The following ARNT2 variants were observed in gnomAD, a reference collection of about 807,000 sequenced individuals.
ARNT2 encodes the protein ARNT protein 2.
A neutral mutation model predicts 91.7 loss-of-function variants in ARNT2; 36 were observed. That is an observed-to-expected ratio of 0.39 (90% CI 0.30 to 0.52). ARNT2 has a LOEUF of 0.52. Among genes scored for constraint, ARNT2 ranks in the 20% least tolerant of loss-of-function variants. The pLI is 0.72. For missense variants in ARNT2, 775 were observed against 939.3 expected (o/e 0.83, Z 2.29); for synonymous variants, 365 against 347.1 (o/e 1.05, Z -0.57).
At chr15:80,528,169 G>A (rs978386379) in intron 8 of ARNT2, among the ~76,000 whole-genome samples, 13 of 152,120 alleles carry the variant, frequency 8.5e-5, no homozygotes, top group Admixed American at 6.5e-4. Context: ...TGTGATGACT[G>A]GGATGAAGTA....
At chr15:80,422,535 C>T (rs1895873955) in intron 1 of ARNT2, among the ~76,000 whole-genome samples, 1 of 152,162 alleles carries the variant, frequency 6.6e-6, no homozygotes, top group Non-Finnish European at 1.5e-5. Context: ...TTTGAGACCT[C>T]ACTAAAGGAA....
chr15:80,417,336 T>C (rs1408555866), intron 1 of ARNT2, among the ~76,000 whole-genome samples: 1 of 45,884 alleles, frequency 2.2e-5, no homozygotes, highest in Non-Finnish European at 5.5e-5. Context: ...AGGAAATTAA[T>C]TTATGATTTA....
chr15:80,484,706 A>G (rs1293462210), intron 5 of ARNT2, among the ~76,000 whole-genome samples: 1 of 152,178 alleles, frequency 6.6e-6, no homozygotes, highest in African/African-American at 2.4e-5. Context: ...CAGATAAAGG[A>G]GTCAGAGTGG....
At chr15:80,467,396 A>T (rs773051114) in intron 3 of ARNT2, among the ~76,000 whole-genome samples, 5 of 152,216 alleles carry the variant, frequency 3.3e-5, no homozygotes, top group Admixed American at 1.3e-4. Flanking sequence ...TTGCCTGGTG[A>T]TACTGATGGG....
intron 2 of ARNT2, among the ~76,000 whole-genome samples, chr15:80,453,113 C>T (rs1896426127): frequency 6.6e-6 from 1 of 152,198 alleles, no homozygotes; most frequent in Non-Finnish European, 1.5e-5. Flanking sequence ...CTGTGCTTTC[C>T]TTCCCGGGTC....
intron 8 of ARNT2, among the ~76,000 whole-genome samples, chr15:80,545,108 C>A (rs1378386007): frequency 2.0e-5 from 3 of 152,222 alleles, no homozygotes; most frequent in African/African-American, 7.2e-5. Context: ...ATGTGGAATC[C>A]TATCTTCCTT....
intron 1 of ARNT2, among the ~76,000 whole-genome samples, chr15:80,441,833 C>T (rs10519287): frequency 0.23 from 35,703 of 152,146 alleles, 5,006 homozygotes; most frequent in African/African-American, 0.4. Flanking sequence ...TTCTGTGTTA[C>T]GGTGAACCTT....
intron 8 of ARNT2, among the ~76,000 whole-genome samples, chr15:80,526,279 G>C (rs919162404): frequency 6.6e-6 from 1 of 152,130 alleles, no homozygotes; most frequent in Non-Finnish European, 1.5e-5. Context: ...AATGCTTCAG[G>C]TGTTCATTCT....
At chr15:80,493,267 G>T (rs1244087950) in intron 5 of ARNT2, among the ~76,000 whole-genome samples, 1 of 144,774 alleles carries the variant, frequency 6.9e-6, no homozygotes, top group Non-Finnish European at 1.5e-5. Context: ...CCTCTTAAAG[G>T]TCTTACCTCA....
At chr15:80,441,212 C>G in intron 1 of ARNT2, 1 of 985,134 alleles carries the variant, frequency 1.0e-6, no homozygotes, top group Non-Finnish European at 1.2e-6. Flanking sequence ...GAATCATGGT[C>G]CACAGTTAAG....
chr15:80,558,871 G>A (rs1295613045), intron 11 of ARNT2, among the ~76,000 whole-genome samples: 1 of 152,200 alleles, frequency 6.6e-6, no homozygotes, highest in Non-Finnish European at 1.5e-5. Flanking sequence ...GTCAGGTTTG[G>A]GCTGGGTGGG....
At chr15:80,575,153 A>C (rs1185117923) in intron 14 of ARNT2, 43 bp downstream of exon 14, 4 of 1,603,670 alleles carry the variant, frequency 2.5e-6, no homozygotes, top group Non-Finnish European at 3.4e-6. Context: ...GTGTGGGTTT[A>C]CAGTTGCTTT....
In ARNT2 at chr15:80,406,656, G is replaced by A. The variant is rs1176311227; in HGVS notation, c.31+2110G>A. Reference sequence around the variant, plus strand: ...GTGAAGCACAGGAAAGCCTGTGCCTGTGCCTTGGACTGCGGGAGACTTGAA... The same window carrying A: ...GTGAAGCACAGGAAAGCCTGTGCCTATGCCTTGGACTGCGGGAGACTTGAA... On this transcript the variant is annotated intron_variant, in intron 1 of 18. Transcript: ENST00000303329. Among the ~76,000 whole-genome samples, 9 of 152,318 alleles carry A rather than the reference G, an allele frequency of 5.9e-5. No individual in the cohort carries two copies. In the East Asian group the frequency reaches 1.7e-3, roughly 29 times the overall value.
At chr15:80,461,226 C>G (rs558814720) in intron 3 of ARNT2, among the ~76,000 whole-genome samples, 1 of 152,322 alleles carries the variant, frequency 6.6e-6, no homozygotes, top group Non-Finnish European at 1.5e-5. Context: ...GTGCAATTTC[C>G]CTCCAGCAAT....
rs530478615 is a variant in ARNT2, at chr15:80,534,616, C to A, written c.878-16583C>A. Among the ~76,000 whole-genome samples the A allele has an allele frequency of 3.9e-5, 6 of 152,226 alleles. No individual in the cohort carries two copies. The East Asian group carries it at 9.6e-4, about 24-fold the overall frequency. ...TAGCTTATTTTGGATGTCATAAATA[C>A]CTTTCCAAATGAATACAGATTTGTA... On this transcript the variant is annotated intron_variant, in intron 8 of 18. Coordinates refer to ENST00000303329, the MANE Select transcript of ARNT2 (RefSeq NM_014862.4).
intron 6 of ARNT2, among the ~76,000 whole-genome samples, chr15:80,512,027 G>A (rs1367364309): frequency 6.6e-6 from 1 of 152,158 alleles, no homozygotes; most frequent in Non-Finnish European, 1.5e-5. Flanking sequence ...TCACCTAATT[G>A]CGTGCCACAG....
intron 8 of ARNT2, among the ~76,000 whole-genome samples, chr15:80,550,953 C>A (rs79380280): frequency 6.6e-6 from 1 of 152,236 alleles, no homozygotes; most frequent in Non-Finnish European, 1.5e-5. Context: ...TCCATTTCAT[C>A]TTCCTTAATT....
intron 12 of ARNT2, among the ~76,000 whole-genome samples, chr15:80,566,691 C>T (rs550174223): frequency 1.8e-4 from 28 of 152,360 alleles, no homozygotes; most frequent in African/African-American, 5.5e-4. Context: ...CCAGCAGCCT[C>T]GGATAACTCA....
intron 1 of ARNT2, among the ~76,000 whole-genome samples, chr15:80,414,349 A>G (rs1442716390): frequency 2.6e-5 from 4 of 152,214 alleles, no homozygotes; most frequent in Non-Finnish European, 4.4e-5. Context: ...TCAAATGTCA[A>G]TAGTGCCAAG....
Sources: allele counts gnomAD v4.1 joint callset (sites outside exome capture counted in the v4.1 genomes callset), GRCh38; gene constraint gnomAD v4.1.1; transcripts MANE v1.5; gene names NCBI Gene and HGNC (gene_info 2026-07-23, HGNC 2026-07-21).